SEL1L: variants seen among roughly 807,000 people sequenced by gnomAD.
SEL1L encodes the protein SEL1L adaptor subunit of SYVN1 ubiquitin ligase.
Under a neutral mutation model 109.8 loss-of-function variants are expected in SEL1L, and 52 were observed. That is an observed-to-expected ratio of 0.47 (90% CI 0.38 to 0.60). SEL1L has a LOEUF of 0.60. Ranked by LOEUF, SEL1L falls within the 20% of genes least tolerant of loss-of-function variation. The pLI is 0.00. For missense variants in SEL1L, 749 were observed against 962.2 expected (o/e 0.78, Z 2.93); for synonymous variants, 373 against 339.6 (o/e 1.10, Z -1.08).
At chr14:81,521,587 CA>C (rs1884907560) in intron 3 of SEL1L, among the ~76,000 whole-genome samples, 1 of 152,200 alleles carries the variant, frequency 6.6e-6, no homozygotes, top group Admixed American at 6.5e-5. Flanking sequence ...ATGTCCTAGT[CA>C]TTACAACACT....
In SEL1L at chr14:81,472,582, TG is replaced by T. The variant is rs1399427017; in HGVS notation, c.*4389del. 2 of 459,016 alleles carry T rather than the reference TG, an allele frequency of 4.4e-6. No individual in the cohort carries two copies. Among genetic ancestry groups the T allele is most frequent in the South Asian group, 1.6e-5 (1 of 63,842 alleles). 28.4% of individuals were successfully genotyped at this position (459,016 alleles called of 1,614,324 possible). ...TCTGCAAGTCCTCTTAAAAAATTCC[TG>T]GGACAAGGCAATGCATAAACAAACT... On this transcript the variant is annotated 3_prime_UTR_variant, in exon 21 of 21. Coordinates refer to ENST00000336735, the MANE Select transcript of SEL1L (RefSeq NM_005065.6).
chr14:81,504,057 C>G (rs59443544), intron 5 of SEL1L, 144 bp downstream of exon 5: 3 of 500,720 alleles, frequency 6.0e-6, no homozygotes, highest in Non-Finnish European at 1.1e-5. Flanking sequence ...TACTAATGCC[C>G]GTAAGTTATA....
rs1566972698 is a variant in SEL1L, at chr14:81,490,290, C to T, written c.1332+98G>A. ...AATATGCAGTTTCAATAATGTATAG[C>T]ATGAGTTGGTTATGATTAACCCTTT... On this transcript the variant is annotated intron_variant, in intron 13 of 20. Coordinates refer to ENST00000336735, the MANE Select transcript of SEL1L (RefSeq NM_005065.6). The T allele has an allele frequency of 3.6e-6, 3 of 836,178 alleles. No individual in the cohort carries two copies. The East Asian group carries it at 8.3e-5, about 23-fold the overall frequency. The allele number at this position is 836,178 out of a possible 1,614,324, so 51.8% of individuals were successfully genotyped here. A position where few individuals can be genotyped will look rare whatever the true frequency, so the allele number is the denominator to read the frequency against.
intron 1 of SEL1L, among the ~76,000 whole-genome samples, chr14:81,530,031 A>T (rs1379823994): frequency 6.6e-6 from 1 of 152,256 alleles, no homozygotes; most frequent in Non-Finnish European, 1.5e-5. Flanking sequence ...TTAACTGTAC[A>T]CCTTCCTTTG....
chr14:81,516,234 C>A (rs1884696835), intron 3 of SEL1L, among the ~76,000 whole-genome samples: 1 of 152,148 alleles, frequency 6.6e-6, no homozygotes. Flanking sequence ...TACGTTTAAC[C>A]ATTGAGGGCC....
Position 81,474,191 on chromosome 14 carries a change from C to A in SEL1L, c.*2781G>T, listed in dbSNP as rs374378440. 37 of 143,206 alleles carry A rather than the reference C, an allele frequency of 2.6e-4. No individual in the cohort carries two copies. The highest frequency in any genetic ancestry group is 9.6e-4 in the African/African-American group (37 of 38,428). 8.9% of individuals were successfully genotyped at this position (143,206 alleles called of 1,614,324 possible). A position where few individuals can be genotyped will look rare whatever the true frequency, so the allele number is the denominator to read the frequency against. On this transcript the variant is annotated 3_prime_UTR_variant, in exon 21 of 21. Coordinates refer to ENST00000336735, the MANE Select transcript of SEL1L (RefSeq NM_005065.6). ...TTTTTCTTTGCCATTGACTGCTAAT[C>A]AAAAATAAGCCTTACCTAGAAAACA...
intron 19 of SEL1L, among the ~76,000 whole-genome samples, chr14:81,482,921 C>A (rs975636830): frequency 6.6e-6 from 1 of 152,134 alleles, no homozygotes; most frequent in Non-Finnish European, 1.5e-5. Flanking sequence ...CTTGGTAAAG[C>A]CTTTTGTACT....
chr14:81,510,047 A>C (rs756190957), intron 3 of SEL1L, among the ~76,000 whole-genome samples: 9 of 152,250 alleles, frequency 5.9e-5, no homozygotes, highest in Non-Finnish European at 1.2e-4. Context: ...AGAGGATCAA[A>C]GGCTGAGTCC....
In SEL1L at chr14:81,476,860, GC is replaced by G; in HGVS notation, c.*111del. 1 of 996,950 alleles carries G rather than the reference GC, an allele frequency of 1.0e-6. No individual in the cohort carries two copies. The highest frequency in any genetic ancestry group is 2.6e-5 in the East Asian group (1 of 38,606). 61.8% of individuals were successfully genotyped at this position (996,950 alleles called of 1,614,324 possible). ...CTTTAGGAATTCAATGCTTCCTTGT[GC>G]CGTGCCTCTTCTGGGAGGTGACCAC... On this transcript the variant is annotated 3_prime_UTR_variant, in exon 21 of 21. Transcript: ENST00000336735.
intron 3 of SEL1L, among the ~76,000 whole-genome samples, chr14:81,516,210 C>T (rs748820463): frequency 3.9e-5 from 6 of 152,200 alleles, no homozygotes; most frequent in Non-Finnish European, 7.3e-5. Flanking sequence ...TCATCACCCT[C>T]ACCGAGCCCC....
At position 81,504,292 on chromosome 14, in the gene SEL1L, C is replaced by T. The variant is rs139757904; in HGVS notation, c.523G>A (p.Ala175Thr). Residue 175 changes from alanine to threonine, a missense_variant, in exon 5 of 21, where the codon GCT (alanine) becomes ACT (threonine). Physicochemically the swap from Ala to Thr is moderately conservative, Grantham distance 58. Transcript: ENST00000336735. ...WGFCETEEEA[A>T]KRRQMQEAEM... ...GCTTCCTGCATCTGCCGTCTCTTAG[C>T]AGCCTCTTCTTCAGCTAAAAACAAA... The T allele has an allele frequency of 7.5e-6, 12 of 1,594,296 alleles. No homozygotes were observed. The highest frequency in any genetic ancestry group is 5.3e-5 in the Admixed American group (3 of 56,692).
rs772099008 is a variant in SEL1L, at chr14:81,526,908, A to G, written c.165T>C (p.Val55=). Residue 55 remains valine, a synonymous_variant, in exon 3 of 21, where the codon GTT becomes GTC. Transcript: ENST00000336735. Reference sequence around the variant, plus strand: ...CTGAATCAAGAAATATTTGACCAGCAACTACTCTGCCTGCAGTAGTATGGT... The same window carrying G: ...CTGAATCAAGAAATATTTGACCAGCGACTACTCTGCCTGCAGTAGTATGGT... ...VKDHTTAGRV[V]AGQIFLDSEE... is the part of the protein sequence containing the mutation. 1 of 1,600,740 alleles carries G rather than the reference A, an allele frequency of 6.2e-7. No individual in the cohort carries two copies. Among genetic ancestry groups the G allele is most frequent in the Non-Finnish European group, 8.5e-7 (1 of 1,175,556 alleles).
chr14:81,498,601 C>T (rs1883878587), intron 8 of SEL1L, 107 bp from the exon 9 acceptor site: 2 of 762,228 alleles, frequency 2.6e-6, no homozygotes, highest in East Asian at 2.6e-5. Flanking sequence ...GTCATTTGAT[C>T]CAAGTACACT....
At chr14:81,486,240 T>C (rs767071541) in intron 17 of SEL1L, 49 bp downstream of exon 17, 11 of 1,560,824 alleles carry the variant, frequency 7.0e-6, no homozygotes, top group Non-Finnish European at 9.7e-6. Flanking sequence ...AGTTTACTGG[T>C]GTGAACTCGT....
At chr14:81,527,623 CAT>C in intron 2 of SEL1L, 76 bp downstream of exon 2, 1 of 1,033,028 alleles carries the variant, frequency 9.7e-7, no homozygotes, top group Non-Finnish European at 1.4e-6. Flanking sequence ...TTGCAGACCT[CAT>C]ATCCTTTCTA....
rs1332233137 is a variant in SEL1L, at chr14:81,474,201, C to A, written c.*2771G>T. On this transcript the variant is annotated 3_prime_UTR_variant, in exon 21 of 21. Coordinates refer to ENST00000336735, the MANE Select transcript of SEL1L (RefSeq NM_005065.6). ...CCATTGACTGCTAATCAAAAATAAGCCTTACCTAGAAAACAGAAACTGAAA... is the reference window on the plus strand; with the variant it reads ...CCATTGACTGCTAATCAAAAATAAGACTTACCTAGAAAACAGAAACTGAAA... 2.7e-5 allele frequency: 4 copies of A among 150,612 alleles called. No individual in the cohort carries two copies. The highest frequency in any genetic ancestry group is 3.5e-3 in the Middle Eastern group (1 of 286). 9.3% of individuals were successfully genotyped at this position (150,612 alleles called of 1,614,324 possible). A position where few individuals can be genotyped will look rare whatever the true frequency, so the allele number is the denominator to read the frequency against.
rs756769773 is a variant in SEL1L at position 81,526,828 on chromosome 14, T to A, written c.245A>T (p.Gln82Leu). The A allele has an allele frequency of 5.7e-5, 91 of 1,605,588 alleles. No individual in the cohort carries two copies. The highest frequency in any genetic ancestry group is 7.6e-5 in the Non-Finnish European group (89 of 1,177,386). ...ATCTTCTGTGACACTTTCCCCCTCTTGGCTCTTGAGGCTGTCTTCCTCTTC... is the reference window on the plus strand; with the variant it reads ...ATCTTCTGTGACACTTTCCCCCTCTAGGCTCTTGAGGCTGTCTTCCTCTTC... ...IQEEEDSLKS[Q>L]EGESVTEDIS... Residue 82 changes from glutamine (Q) to leucine (L), a missense_variant, in exon 3 of 21, where the codon CAA (glutamine) becomes CTA (leucine). By Grantham distance (113) the Gln-to-Leu change is moderately radical. This residue lies in a region of SEL1L where 366 missense variants were observed against 399.8 expected (regional missense o/e 0.92). Transcript: ENST00000336735.
In SEL1L at chr14:81,509,751, G is replaced by C. The variant is rs548947470; in HGVS notation, c.341-3510C>G. Among the ~76,000 whole-genome samples, 2 of 152,134 alleles carry C rather than the reference G, an allele frequency of 1.3e-5. 1 individual carries two copies. Among genetic ancestry groups the C allele is most frequent in the Non-Finnish European group, 2.9e-5 (2 of 68,028 alleles). ...ATTAATACAATCTCTTCAAGAGGGG[G>C]CATTTGGTAATATCTGTTAAAATGT... On this transcript the variant is annotated intron_variant, in intron 3 of 20. Transcript: ENST00000336735.
intron 5 of SEL1L, among the ~76,000 whole-genome samples, chr14:81,503,375 T>C (rs1368600438): frequency 1.3e-5 from 2 of 152,164 alleles, no homozygotes; most frequent in African/African-American, 4.8e-5. Flanking sequence ...TCTTCCTCTG[T>C]TGCCCAGGCT....
Sources: allele counts gnomAD v4.1 joint callset (sites outside exome capture counted in the v4.1 genomes callset), GRCh38; gene constraint gnomAD v4.1.1; regional missense constraint gnomAD v4.1.1; transcripts MANE v1.5; gene names NCBI Gene and HGNC (gene_info 2026-07-23, HGNC 2026-07-21).